Variants in ULK4 observed in about 807,000 individuals in gnomAD.
ULK4 encodes unc-51 like kinase 4, also known as inactive serine/threonine-protein kinase ULK4.
A neutral mutation model predicts 160.6 loss-of-function variants in ULK4; 133 were observed. That is an observed-to-expected ratio of 0.83 (90% CI 0.72 to 0.96). The LOEUF (loss-of-function observed/expected upper bound fraction) is 0.96. Ranked by LOEUF, ULK4 falls within the 40% of genes least tolerant of loss-of-function variation. The pLI is 0.00. For synonymous variants in ULK4, 534 were observed against 539.8 expected (o/e 0.99, Z 0.15); for missense variants, 1,580 against 1,499.5 (o/e 1.05, Z -0.89).
At chr3:41,706,645 C>T (rs1291843867) in intron 25 of ULK4, among the ~76,000 whole-genome samples, 5 of 149,646 alleles carry the variant, frequency 3.3e-5, no homozygotes, top group South Asian at 2.1e-4. Flanking sequence ...CTGGCCAACA[C>T]GGTGAAACCC....
intron 35 of ULK4, among the ~76,000 whole-genome samples, chr3:41,261,677 C>T (rs571441946): frequency 3.3e-5 from 5 of 152,300 alleles, no homozygotes; most frequent in East Asian, 1.9e-4. Context: ...TGCTCATCCT[C>T]ATCATTTCCA....
chr3:41,542,139 T>A (rs2125954402), intron 32 of ULK4, among the ~76,000 whole-genome samples: 1 of 152,322 alleles, frequency 6.6e-6, no homozygotes, highest in Non-Finnish European at 1.5e-5. Flanking sequence ...TTCAGTATGA[T>A]ATTGGCTGTG....
intron 27 of ULK4, among the ~76,000 whole-genome samples, chr3:41,688,460 T>C (rs756983543): frequency 3.3e-5 from 5 of 152,194 alleles, no homozygotes; most frequent in Non-Finnish European, 5.9e-5. Context: ...GTAAACCAAA[T>C]AGCTAAAAAG....
intron 35 of ULK4, among the ~76,000 whole-genome samples, chr3:41,386,828 T>C (rs1006598291): frequency 1.4e-4 from 22 of 152,148 alleles, no homozygotes; most frequent in Admixed American, 1.3e-3. Context: ...TTCAGATGGA[T>C]CTTAAGAAAG....
At chr3:41,756,157 A>C (rs1243563095) in intron 21 of ULK4, among the ~76,000 whole-genome samples, 1 of 152,228 alleles carries the variant, frequency 6.6e-6, no homozygotes, top group Non-Finnish European at 1.5e-5. Context: ...CAGAAGTCTG[A>C]GTACCATCCT....
chr3:41,710,089 G>A (rs1489358156), intron 25 of ULK4, among the ~76,000 whole-genome samples: 1 of 152,002 alleles, frequency 6.6e-6, no homozygotes, highest in Non-Finnish European at 1.5e-5. Context: ...CCACTCACAT[G>A]TACTGTCTTT....
intron 32 of ULK4, among the ~76,000 whole-genome samples, chr3:41,483,084 G>C (rs939613550): frequency 1.3e-5 from 2 of 152,060 alleles, no homozygotes; most frequent in African/African-American, 4.8e-5. Flanking sequence ...TCACCCTGTT[G>C]TGCTAGCAAA....
At chr3:41,485,926 C>G (rs368980675) in intron 32 of ULK4, among the ~76,000 whole-genome samples, 18 of 152,076 alleles carry the variant, frequency 1.2e-4, no homozygotes, top group African/African-American at 4.1e-4. Flanking sequence ...AATAAGGAAA[C>G]CTGGTTAAAT....
chr3:41,382,165 T>C (rs1428403290), intron 35 of ULK4, among the ~76,000 whole-genome samples: 1 of 152,180 alleles, frequency 6.6e-6, no homozygotes, highest in East Asian at 1.9e-4. Context: ...GCTTTCCCTA[T>C]GTAAAATACC....
intron 17 of ULK4, among the ~76,000 whole-genome samples, chr3:41,861,275 T>G (rs1439817301): frequency 6.6e-6 from 1 of 152,232 alleles, no homozygotes; most frequent in Non-Finnish European, 1.5e-5. Context: ...TTCTCATTAC[T>G]GTCCTTTTCT....
At chr3:41,938,686 T>C (rs1050192099) in intron 2 of ULK4, among the ~76,000 whole-genome samples, 1 of 151,936 alleles carries the variant, frequency 6.6e-6, no homozygotes, top group Non-Finnish European at 1.5e-5. Flanking sequence ...CATCTCTCAA[T>C]AAATAAATAA....
At chr3:41,395,593 G>C (rs1399564341) in intron 35 of ULK4, among the ~76,000 whole-genome samples, 1 of 152,104 alleles carries the variant, frequency 6.6e-6, no homozygotes, top group South Asian at 2.1e-4. Flanking sequence ...GAAACAGAAA[G>C]TCGAATGGTG....
At chr3:41,642,326 C>T (rs975601499) in intron 30 of ULK4, among the ~76,000 whole-genome samples, 1 of 152,056 alleles carries the variant, frequency 6.6e-6, no homozygotes, top group East Asian at 1.9e-4. Context: ...TCTCCTAATG[C>T]TATCCCTCCC....
At position 41,826,510 on chromosome 3, in the gene ULK4, T is replaced by C. The variant is rs1362916843; in HGVS notation, c.1765-7004A>G. ...CAAAAAAAGGCAGGGGTTGCAATCC[T>C]AGTCTCTGATAAAACAGACTTTAAA... On this transcript the variant is annotated intron_variant, in intron 18 of 36. Transcript: ENST00000301831. Among the ~76,000 whole-genome samples, 4 of 151,316 alleles carry C rather than the reference T, an allele frequency of 2.6e-5. No individual in the cohort carries two copies. In the East Asian group the frequency reaches 7.8e-4, roughly 29 times the overall value.
intron 27 of ULK4, among the ~76,000 whole-genome samples, chr3:41,700,302 G>T (rs2036631079): frequency 6.6e-6 from 1 of 152,088 alleles, no homozygotes; most frequent in African/African-American, 2.4e-5. Flanking sequence ...CACAAACAAA[G>T]GTTATCAGTG....
At chr3:41,798,411 G>A (rs1381118590) in intron 20 of ULK4, among the ~76,000 whole-genome samples, 1 of 152,210 alleles carries the variant, frequency 6.6e-6, no homozygotes, top group East Asian at 1.9e-4. Flanking sequence ...GTGGGTTTTT[G>A]TAATTTTGAA....
chr3:41,305,644 C>T (rs1024940206), intron 35 of ULK4, among the ~76,000 whole-genome samples: 8 of 151,808 alleles, frequency 5.3e-5, no homozygotes, highest in African/African-American at 1.7e-4. Flanking sequence ...GCTGCCACCC[C>T]GTCTGGGAAG....
chr3:41,722,638 T>G (rs2037513330), intron 22 of ULK4, among the ~76,000 whole-genome samples: 1 of 151,484 alleles, frequency 6.6e-6, no homozygotes, highest in African/African-American at 2.4e-5. Context: ...TCTCAAAAAA[T>G]TAATTAATTA....
chr3:41,865,464 G>A (rs2042595321), intron 17 of ULK4, among the ~76,000 whole-genome samples: 1 of 151,788 alleles, frequency 6.6e-6, no homozygotes, highest in Admixed American at 6.6e-5. Flanking sequence ...TAACTCAAAA[G>A]TAAAAAAGAT....
Sources: allele counts gnomAD v4.1 joint callset (sites outside exome capture counted in the v4.1 genomes callset), GRCh38; gene constraint gnomAD v4.1.1; transcripts MANE v1.5; gene names NCBI Gene and HGNC (gene_info 2026-07-23, HGNC 2026-07-21).